Variants in IL17RB observed in about 807,000 individuals in gnomAD.
IL17RB encodes the protein interleukin 17 receptor B, also known as interleukin-17 receptor B.
In IL17RB, 36 loss-of-function variants were observed where a neutral mutation model predicts 43.9. The observed-to-expected ratio is 0.82, with a 90% confidence interval of 0.63 to 1.08. The LOEUF is 1.08. IL17RB is among the 50% of genes least tolerant of loss of function. IL17RB has a pLI of 0.00. For missense variants in IL17RB, 613 were observed against 613.6 expected, an observed-to-expected ratio of 1.00 and a Z score of 0.01; for synonymous variants, 225 against 225.4, an observed-to-expected ratio of 1.00 and a Z score of 0.02.
At chr3:53,858,618 C>T (rs978210380) in intron 8 of IL17RB, 101 bp from the exon 9 acceptor site, 20 of 1,514,402 alleles carry the variant, frequency 1.3e-5, no homozygotes, top group Admixed American at 4.1e-5. Flanking sequence ...GAGGTATGGG[C>T]GAAGCCAGAA....
Position 53,865,665 on chromosome 3 carries a change from T to G in IL17RB, c.*357T>G, listed in dbSNP as rs1479452743. The stretch of plus-strand genomic sequence containing the variant: ...GTTTAGCTAATATTCTATGTTTAAT[T>G]AATGAATACTAACTCTAAGAACCCC... On this transcript the variant is annotated 3_prime_UTR_variant, in exon 11 of 11. Transcript: ENST00000288167. 1 of 170,324 alleles carries G rather than the reference T, an allele frequency of 5.9e-6. No homozygotes were observed. The highest frequency in any genetic ancestry group is 1.2e-5 in the Non-Finnish European group (1 of 80,168). 10.6% of individuals were successfully genotyped at this position (170,324 alleles called of 1,614,324 possible).
chr3:53,849,578 G>C, intron 2 of IL17RB, 77 bp from the exon 3 acceptor site: 4 of 1,296,772 alleles, frequency 3.1e-6, no homozygotes, highest in Non-Finnish European at 4.1e-6. Context: ...GGTTTGGTGT[G>C]AGTCACTGAG....
At chr3:53,849,544 AGT>A in intron 2 of IL17RB, 109 bp from the exon 3 acceptor site, 1 of 949,730 alleles carries the variant, frequency 1.1e-6, no homozygotes, top group Non-Finnish European at 1.5e-6. Flanking sequence ...AAAAAAAAGA[AGT>A]GAGGAATTGT....
At position 53,865,340 on chromosome 3, in the gene IL17RB, C is replaced by A. The variant is rs1338108451; in HGVS notation, c.*32C>A. On this transcript the variant is annotated 3_prime_UTR_variant, in exon 11 of 11. Transcript: ENST00000288167. ...CATGAGAAGCAAGAGACCTTAAAGG[C>A]TTCCTATCCCACCAATTACAGGGAA... The A allele has an allele frequency of 3.3e-6, 5 of 1,524,742 alleles. No homozygotes were observed. In the African/African-American group the frequency reaches 5.5e-5, roughly 17 times the overall value. The allele number at this position is 1,524,742 out of a possible 1,614,324, so 94.5% of individuals were successfully genotyped here. A position where few individuals can be genotyped will look rare whatever the true frequency, so the allele number is the denominator to read the frequency against.
intron 6 of IL17RB, 21 bp from the exon 7 acceptor site, chr3:53,856,823 T>C (rs1343376846): frequency 6.2e-7 from 1 of 1,613,734 alleles, no homozygotes; most frequent in Admixed American, 1.7e-5. Context: ...TTCATCTACA[T>C]GGTTCTCTCT....
chr3:53,853,526 G>C (rs1699231421), intron 5 of IL17RB, among the ~76,000 whole-genome samples: 1 of 152,230 alleles, frequency 6.6e-6, no homozygotes, highest in Non-Finnish European at 1.5e-5. Flanking sequence ...CTGTCCATGA[G>C]AGGCAGGGTG....
In IL17RB at chr3:53,856,929, C is replaced by G. The variant is rs747475922; in HGVS notation, c.615C>G (p.Asn205Lys). The change falls in exon 7 of 11, where the codon AAC becomes AAG. Residue 205 changes from asparagine to lysine, a missense_variant. By Grantham distance (94) the Asn-to-Lys change is moderately conservative. Coordinates refer to ENST00000288167, the MANE Select transcript of IL17RB (RefSeq NM_018725.4). ...ACTTCACAACCACTCCCCTGGGAAA[C>G]AGATACATGGCTCTTATCCAACACA... Reference protein sequence around the residue: ...EVNFTTTPLGNRYMALIQHST... With the variant: ...EVNFTTTPLGKRYMALIQHST... 2.5e-6 allele frequency: 4 copies of G among 1,613,990 alleles called. No individual in the cohort carries two copies. Among genetic ancestry groups the G allele is most frequent in the African/African-American group, 2.7e-5 (2 of 74,940 alleles).
At chr3:53,855,474 T>A in intron 6 of IL17RB, 133 bp downstream of exon 6, 1 of 605,304 alleles carries the variant, frequency 1.7e-6, no homozygotes, top group Admixed American at 3.1e-5. Flanking sequence ...CCGATGGTGG[T>A]GGCAGAAGCA....
chr3:53,847,091 A>G (rs976724609), intron 1 of IL17RB, among the ~76,000 whole-genome samples: 15 of 152,168 alleles, frequency 9.9e-5, no homozygotes, highest in Non-Finnish European at 2.1e-4. Context: ...ATTGATTGCC[A>G]TGTTCACTCG....
chr3:53,860,686 T>C (rs12635505), intron 10 of IL17RB: 13,163 of 152,342 alleles, frequency 0.086, 676 homozygotes, highest in East Asian at 0.2. Context: ...TCAATACATA[T>C]ATTGGAAAAT....
In IL17RB at chr3:53,855,335, A is replaced by C. The variant is rs765009777; in HGVS notation, c.523A>C (p.Lys175Gln). ...HIMKYKKKCVKAGSLWDPNIT... is the reference protein window; with the variant it reads ...HIMKYKKKCVQAGSLWDPNIT... Reference sequence around the variant, plus strand: ...AATGAAATATAAAAAAAAGTGTGTCAAGGCCGGTAAGTAAATACGGCATTT... The same window carrying C: ...AATGAAATATAAAAAAAAGTGTGTCCAGGCCGGTAAGTAAATACGGCATTT... Residue 175 changes from lysine (K) to glutamine (Q), a missense_variant, in exon 6 of 11, where the codon AAG becomes CAG. Coordinates refer to ENST00000288167, the MANE Select transcript of IL17RB (RefSeq NM_018725.4). The C allele has an allele frequency of 1.9e-6, 3 of 1,601,780 alleles. No homozygotes were observed. The South Asian group carries it at 3.3e-5, about 18-fold the overall frequency.
Position 53,853,007 on chromosome 3 carries a change from CT to C in IL17RB, c.481+11del, listed in dbSNP as rs748754927. On this transcript the variant is annotated intron_variant, in intron 5 of 10. Coordinates refer to ENST00000288167, the MANE Select transcript of IL17RB (RefSeq NM_018725.4). ...AATTTCACCTCACCAGGTAAACTTC[CT>C]CATTTGTTTATTATTCTTTGTCTTG... The C allele has an allele frequency of 6.2e-7, 1 of 1,613,870 alleles. No individual in the cohort carries two copies. Among genetic ancestry groups the C allele is most frequent in the Non-Finnish European group, 8.5e-7 (1 of 1,179,816 alleles).
intron 10 of IL17RB, chr3:53,860,597 T>C (rs1217522016): frequency 2.5e-5 from 4 of 160,074 alleles, no homozygotes; most frequent in Non-Finnish European, 5.5e-5. Flanking sequence ...TAAGAAAAGC[T>C]TTCGCTTGGA....
At chr3:53,860,049 A>C (rs1459206856) in intron 9 of IL17RB, 81 bp from the exon 10 acceptor site, 1 of 945,242 alleles carries the variant, frequency 1.1e-6, no homozygotes, top group Non-Finnish European at 1.7e-6. Flanking sequence ...ACCTCTATAA[A>C]GTATACCAAG....
chr3:53,852,022 A>G lies in IL17RB; in HGVS notation c.250A>G (p.Thr84Ala). Reference protein sequence around the residue: ...ADASIRLLKATKICVTGKSNF... With the variant: ...ADASIRLLKAAKICVTGKSNF... ...AGCCAGCATCCGCTTGTTGAAGGCC[A>G]CCAAGATTTGTGTGACGGGCAAAAG... Residue 84 changes from threonine (T) to alanine (A), a missense_variant, in exon 4 of 11, where the codon ACC (threonine) becomes GCC (alanine). Coordinates refer to ENST00000288167, the MANE Select transcript of IL17RB (RefSeq NM_018725.4). 2 of 1,614,194 alleles carry G rather than the reference A, an allele frequency of 1.2e-6. No homozygotes were observed. The highest frequency in any genetic ancestry group is 2.7e-5 in the African/African-American group (2 of 75,060).
At chr3:53,859,586 A>G (rs893837055) in intron 9 of IL17RB, 3 of 152,626 alleles carry the variant, frequency 2.0e-5, no homozygotes, top group Admixed American at 6.5e-5. Flanking sequence ...TGTCATCTAT[A>G]TGTGCTATGT....
Position 53,846,667 on chromosome 3 carries a change from C to G in IL17RB, c.60+19C>G, listed in dbSNP as rs755926508. On this transcript the variant is annotated intron_variant, in intron 1 of 10. Coordinates refer to ENST00000288167, the MANE Select transcript of IL17RB (RefSeq NM_018725.4). Reference sequence around the variant, plus strand: ...AGAGCCGGTAAGCCCCCGCCAGCACCTCTTCCCTCATCTCCCGGCCCTCGA... The same window carrying G: ...AGAGCCGGTAAGCCCCCGCCAGCACGTCTTCCCTCATCTCCCGGCCCTCGA... 8 of 1,583,570 alleles carry G rather than the reference C, an allele frequency of 5.1e-6. No homozygotes were observed. Among genetic ancestry groups the G allele is most frequent in the Non-Finnish European group, 6.0e-6 (7 of 1,167,514 alleles).
At position 53,865,574 on chromosome 3, in the gene IL17RB, C is replaced by G. The variant is rs3774626; in HGVS notation, c.*266C>G. The G allele has an allele frequency of 2.5e-6, 1 of 405,072 alleles. No individual in the cohort carries two copies. Among genetic ancestry groups the G allele is most frequent in the African/African-American group, 2.0e-5 (1 of 49,568 alleles). The allele number at this position is 405,072 out of a possible 1,614,324, so 25.1% of individuals were successfully genotyped here. ...AACTATAACCATTTTGATAATGCAA[C>G]AATAAAGCATCTTCAGCCAAACATC... On this transcript the variant is annotated 3_prime_UTR_variant, in exon 11 of 11. Coordinates refer to ENST00000288167, the MANE Select transcript of IL17RB (RefSeq NM_018725.4).
At chr3:53,853,659 G>A (rs964070546) in intron 5 of IL17RB, among the ~76,000 whole-genome samples, 1 of 152,142 alleles carries the variant, frequency 6.6e-6, no homozygotes, top group Non-Finnish European at 1.5e-5. Context: ...TGTGTGTGAA[G>A]GGTCTATCTG....
Sources: gnomAD v4.1 joint callset for allele counts (sites outside exome capture counted in the v4.1 genomes callset) on GRCh38, gnomAD v4.1.1 for gene constraint, MANE v1.5 for transcripts, NCBI Gene and HGNC (gene_info 2026-07-23, HGNC 2026-07-21) for gene names.